Variants in MIDEAS observed in about 807,000 individuals in gnomAD.
The protein encoded by MIDEAS is mitotic deacetylase-associated SANT domain protein.
MIDEAS carries 26 observed loss-of-function variants against 102.7 expected under a neutral mutation model. The ratio of observed to expected loss-of-function variants is 0.25; its 90% CI spans 0.19 to 0.35. The LOEUF is 0.35. MIDEAS is among the 10% of genes least tolerant of loss of function. MIDEAS has a pLI of 1.00. For missense variants in MIDEAS, 1,231 were observed against 1,435.6 expected, an observed-to-expected ratio of 0.86 and a Z score of 2.30; for synonymous variants, 585 against 591.0, an observed-to-expected ratio of 0.99 and a Z score of 0.15.
At chr14:73,736,738 A>G (rs1298860977) in intron 3 of MIDEAS, among the ~76,000 whole-genome samples, 1 of 152,152 alleles carries the variant, frequency 6.6e-6, no homozygotes. Flanking sequence ...ATCTGGAAAA[A>G]GAGATGTACA....
At chr14:73,776,213 A>C (rs190682276) in intron 1 of MIDEAS, among the ~76,000 whole-genome samples, 1 of 152,162 alleles carries the variant, frequency 6.6e-6, no homozygotes, top group East Asian at 1.9e-4. Context: ...AAGTGGAATC[A>C]AATGTGCAGG....
intron 9 of MIDEAS, chr14:73,723,779 G>A (rs1344935063): frequency 6.6e-6 from 1 of 152,204 alleles, no homozygotes; most frequent in African/African-American, 2.4e-5. Flanking sequence ...TGAGGGAAAA[G>A]GTCTGGGCAC....
At chr14:73,780,545 C>G (rs567750352) in intron 1 of MIDEAS, among the ~76,000 whole-genome samples, 2 of 152,326 alleles carry the variant, frequency 1.3e-5, no homozygotes, top group African/African-American at 4.8e-5. Context: ...CTTGAAGCCT[C>G]CTGGGGGTAA....
intron 1 of MIDEAS, among the ~76,000 whole-genome samples, chr14:73,774,989 T>A (rs1220393317): frequency 1.3e-5 from 2 of 152,022 alleles, no homozygotes; most frequent in African/African-American, 4.8e-5. Context: ...GGAAGTTCAA[T>A]TGCAGAAATG....
intron 1 of MIDEAS, among the ~76,000 whole-genome samples, chr14:73,771,679 G>A (rs868064599): frequency 4.6e-5 from 7 of 152,220 alleles, no homozygotes; most frequent in African/African-American, 1.2e-4. Context: ...GCAGCTGCGC[G>A]TCCCAGCAGA....
Position 73,718,717 on chromosome 14 carries a change from G to GT in MIDEAS, c.*125dup. The GT allele has an allele frequency of 1.0e-6, 1 of 993,754 alleles. No homozygotes were observed. The highest frequency in any genetic ancestry group is 3.4e-5 in the East Asian group (1 of 29,318). The allele number at this position is 993,754 out of a possible 1,614,324, so 61.6% of individuals were successfully genotyped here. A position where few individuals can be genotyped will look rare whatever the true frequency, so the allele number is the denominator to read the frequency against. On this transcript the variant is annotated 3_prime_UTR_variant, in exon 13 of 13. Coordinates refer to ENST00000423556, the MANE Select transcript of MIDEAS (RefSeq NM_001367710.1). Reference sequence around the variant, plus strand: ...AGCCGTTTATGTCATTGTCTCATTTGTTTCGCAGGGAAAAGTCCCTGCAAT... The same window carrying GT: ...AGCCGTTTATGTCATTGTCTCATTTGTTTTCGCAGGGAAAAGTCCCTGCAAT...
At chr14:73,729,398 T>G (rs2053106559) in intron 4 of MIDEAS, among the ~76,000 whole-genome samples, 1 of 152,188 alleles carries the variant, frequency 6.6e-6, no homozygotes, top group Non-Finnish European at 1.5e-5. Context: ...TTGAAGTGAC[T>G]TGCAAAAGTG....
At chr14:73,753,560 C>G (rs2053447583) in intron 1 of MIDEAS, among the ~76,000 whole-genome samples, 1 of 152,236 alleles carries the variant, frequency 6.6e-6, no homozygotes, top group South Asian at 2.1e-4. Context: ...GGTACGCACT[C>G]AATAAATGTG....
intron 1 of MIDEAS, among the ~76,000 whole-genome samples, chr14:73,769,162 G>A (rs562944387): frequency 7.5e-4 from 114 of 152,284 alleles, no homozygotes; most frequent in African/African-American, 2.6e-3. Flanking sequence ...GGGCTTCCAG[G>A]GTCTTTCCCT....
At position 73,718,702 on chromosome 14, in the gene MIDEAS, G is replaced by T; in HGVS notation, c.*141C>A. Reference sequence around the variant, plus strand: ...CTTCATAAATAAAAGAGCCGTTTATGTCATTGTCTCATTTGTTTCGCAGGG... The same window carrying T: ...CTTCATAAATAAAAGAGCCGTTTATTTCATTGTCTCATTTGTTTCGCAGGG... On this transcript the variant is annotated 3_prime_UTR_variant, in exon 13 of 13. Transcript: ENST00000423556. 4 of 857,400 alleles carry T rather than the reference G, an allele frequency of 4.7e-6. No homozygotes were observed. The highest frequency in any genetic ancestry group is 6.4e-6 in the Non-Finnish European group (4 of 624,098). The allele number at this position is 857,400 out of a possible 1,614,324, so 53.1% of individuals were successfully genotyped here.
In MIDEAS at chr14:73,715,927, CTG is replaced by C. The variant is rs1434171259; in HGVS notation, c.*2914_*2915del. 6.6e-6 allele frequency: 1 copy of C among 152,356 alleles called. No homozygotes were observed. The highest frequency in any genetic ancestry group is 2.4e-5 in the African/African-American group (1 of 41,436). 9.4% of individuals were successfully genotyped at this position (152,356 alleles called of 1,614,324 possible). On this transcript the variant is annotated 3_prime_UTR_variant, in exon 13 of 13. Transcript: ENST00000423556. ...AAGGCATGGAGGACAGTAATGACGGCTGTGCCTCCTTGGATGGTGGAGACCTC... is the reference window on the plus strand; with the variant it reads ...AAGGCATGGAGGACAGTAATGACGGCTGCCTCCTTGGATGGTGGAGACCTC...
At chr14:73,736,945 G>T in intron 3 of MIDEAS, 53 bp downstream of exon 3, 1 of 1,551,742 alleles carries the variant, frequency 6.4e-7, no homozygotes, top group Non-Finnish European at 8.8e-7. Context: ...TAGGGTCCTG[G>T]GCCCCCTGAG....
chr14:73,743,443 C>A (rs1261551544), intron 1 of MIDEAS, among the ~76,000 whole-genome samples: 1 of 152,130 alleles, frequency 6.6e-6, no homozygotes, highest in East Asian at 1.9e-4. Context: ...CTCTAGCCCC[C>A]GATCTAGGCC....
intron 1 of MIDEAS, among the ~76,000 whole-genome samples, chr14:73,772,475 G>A (rs905175759): frequency 2.6e-5 from 4 of 152,034 alleles, no homozygotes; most frequent in African/African-American, 9.7e-5. Context: ...ATTTTCCCAA[G>A]AAACAACATT....
At chr14:73,766,841 C>T (rs1289322989) in intron 1 of MIDEAS, among the ~76,000 whole-genome samples, 1 of 149,314 alleles carries the variant, frequency 6.7e-6, no homozygotes, top group Admixed American at 6.8e-5. Flanking sequence ...GCGTGTGCCA[C>T]TGCCCGGCCA....
At chr14:73,770,060 AAG>A (rs1430917611) in intron 1 of MIDEAS, among the ~76,000 whole-genome samples, 1 of 152,064 alleles carries the variant, frequency 6.6e-6, no homozygotes, top group African/African-American at 2.4e-5. Context: ...GTTTTTACAA[AAG>A]ATGCTCCACA....
intron 1 of MIDEAS, among the ~76,000 whole-genome samples, chr14:73,781,120 T>C (rs2053753072): frequency 6.6e-6 from 1 of 152,206 alleles, no homozygotes; most frequent in African/African-American, 2.4e-5. Flanking sequence ...TGCCTGACTC[T>C]TCCATTCAAC....
At chr14:73,786,650 A>C (rs1204105893) in intron 1 of MIDEAS, among the ~76,000 whole-genome samples, 1 of 152,208 alleles carries the variant, frequency 6.6e-6, no homozygotes, top group Admixed American at 6.5e-5. Flanking sequence ...CAAGCAAATA[A>C]AAGTCCGGGG....
chr14:73,760,276 G>A lies in MIDEAS; in HGVS notation c.-761C>T, dbSNP rs907171789. The A allele has an allele frequency of 7.2e-5, 11 of 152,396 alleles. No homozygotes were observed. The highest frequency in any genetic ancestry group is 1.3e-4 in the Non-Finnish European group (9 of 68,174). The allele number at this position is 152,396 out of a possible 1,614,324, so 9.4% of individuals were successfully genotyped here. A position where few individuals can be genotyped will look rare whatever the true frequency, so the allele number is the denominator to read the frequency against. ...GGCGCGCGCGGCACCGCGGCGAGCA[G>A]GAACCAGCTCTACCACTTCATCAGC... is the stretch of plus-strand genomic sequence containing the variant. On this transcript the variant is annotated 5_prime_UTR_variant, in exon 1 of 13. Transcript: ENST00000423556. The surrounding 1 kb of genome is among the most constrained non-coding windows in gnomAD (Gnocchi z 4.8).
Sources: allele counts gnomAD v4.1 joint callset (sites outside exome capture counted in the v4.1 genomes callset), GRCh38; gene constraint gnomAD v4.1.1; non-coding constraint Gnocchi (gnomAD v3.1); transcripts MANE v1.5; gene names NCBI Gene and HGNC (gene_info 2026-07-23, HGNC 2026-07-21).